Variants in RBFOX1 observed in about 807,000 individuals in gnomAD.
The protein encoded by RBFOX1 is RNA binding fox-1 homolog 1.
A neutral mutation model predicts 57.7 loss-of-function variants in RBFOX1; 8 were observed. The observed-to-expected ratio is 0.14, with a 90% CI of 0.08 to 0.25. The LOEUF (loss-of-function observed/expected upper bound fraction) is 0.25. Ranked by LOEUF, RBFOX1 falls within the 10% of genes least tolerant of loss-of-function variation. The pLI is 1.00. For synonymous variants in RBFOX1, 326 were observed against 222.4 expected (o/e 1.47, Z -4.15); for missense variants, 611 against 548.5 (o/e 1.11, Z -1.14).
intron 5 of RBFOX1, among the ~76,000 whole-genome samples, chr16:7,578,617 T>C (rs758441844): frequency 6.6e-6 from 1 of 152,236 alleles, no homozygotes; most frequent in Admixed American, 6.5e-5. Context: ...TTGATAGTTT[T>C]GTCCCAATTA....
chr16:6,156,187 G>C (rs1055940785), intron 1 of RBFOX1, among the ~76,000 whole-genome samples: 2 of 152,084 alleles, frequency 1.3e-5, no homozygotes, highest in South Asian at 2.1e-4. Flanking sequence ...TTTCCTAATA[G>C]AGGTTTCTGT....
intron 3 of RBFOX1, among the ~76,000 whole-genome samples, chr16:6,882,387 C>G (rs932333870): frequency 2.6e-5 from 4 of 151,996 alleles, no homozygotes; most frequent in Admixed American, 2.0e-4. Flanking sequence ...CTCTCTGATT[C>G]TCTCTCTTCC....
chr16:6,003,524 T>C (rs960216087), intron 4 of RBFOX1, among the ~76,000 whole-genome samples: 6 of 140,828 alleles, frequency 4.3e-5, no homozygotes, highest in Non-Finnish European at 6.2e-5. Flanking sequence ...GATGACTTCA[T>C]TGACAGGAGT....
At chr16:7,086,103 T>G (rs1322471906) in intron 4 of RBFOX1, among the ~76,000 whole-genome samples, 2 of 152,198 alleles carry the variant, frequency 1.3e-5, no homozygotes, top group African/African-American at 2.4e-5. Context: ...CTCTCCATCA[T>G]GCTTAGCCAG....
At chr16:5,884,743 G>A (rs2057854871) in intron 4 of RBFOX1, among the ~76,000 whole-genome samples, 1 of 152,084 alleles carries the variant, frequency 6.6e-6, no homozygotes, top group African/African-American at 2.4e-5. Context: ...GTAACAGGTG[G>A]AGGAATGAGA....
chr16:7,551,194 A>G (rs777964467), intron 5 of RBFOX1, among the ~76,000 whole-genome samples: 1 of 152,114 alleles, frequency 6.6e-6, no homozygotes, highest in Non-Finnish European at 1.5e-5. Context: ...AGAACTTTTA[A>G]AAAGGTCAGT....
chr16:5,358,836 G>GAA lies in RBFOX1; in HGVS notation c.220-108374_220-108373dup, dbSNP rs200197201. 7.9e-5 allele frequency among the ~76,000 whole-genome samples: 12 copies of GAA among 152,062 alleles called. No individual in the cohort carries two copies. In the South Asian group the frequency reaches 2.5e-3, roughly 32 times the overall value. On this transcript the variant is annotated intron_variant, in intron 1 of 2. Transcript: ENST00000585867. ...GAGCAAAACTCCATCTCAAAAAAAA[G>GAA]AAAAAAAGTGCAATTCAGTCATATT...
At chr16:6,945,981 T>G (rs974120207) in intron 3 of RBFOX1, among the ~76,000 whole-genome samples, 2 of 152,224 alleles carry the variant, frequency 1.3e-5, no homozygotes, top group Non-Finnish European at 2.9e-5. Flanking sequence ...CACAAGTGTC[T>G]TTTGGCCTGA....
intron 4 of RBFOX1, among the ~76,000 whole-genome samples, chr16:5,877,132 G>T (rs1289780291): frequency 6.6e-6 from 1 of 152,230 alleles, no homozygotes; most frequent in Non-Finnish European, 1.5e-5. Flanking sequence ...TATCCAGGAG[G>T]AGGGAAAAGA....
chr16:6,664,386 G>C (rs1347648322), intron 3 of RBFOX1, among the ~76,000 whole-genome samples: 1 of 152,102 alleles, frequency 6.6e-6, no homozygotes, highest in African/African-American at 2.4e-5. Flanking sequence ...CTCACCCCTG[G>C]TCCTACTATC....
At chr16:7,503,188 G>A (rs1197653377) in intron 4 of RBFOX1, among the ~76,000 whole-genome samples, 5 of 152,140 alleles carry the variant, frequency 3.3e-5, no homozygotes. Context: ...TTTCGTTAGT[G>A]TGACTTAATG....
intron 2 of RBFOX1, among the ~76,000 whole-genome samples, chr16:6,562,349 C>T (rs1471849848): frequency 6.6e-6 from 1 of 152,204 alleles, no homozygotes; most frequent in Non-Finnish European, 1.5e-5. Flanking sequence ...CACTTTATAA[C>T]ATTCTTGTGA....
chr16:7,098,630 G>T (rs1278040905), intron 4 of RBFOX1, among the ~76,000 whole-genome samples: 4 of 152,010 alleles, frequency 2.6e-5, no homozygotes, highest in African/African-American at 9.7e-5. Context: ...TTTCTTATGG[G>T]GATATAGGAC....
intron 4 of RBFOX1, among the ~76,000 whole-genome samples, chr16:7,339,005 TTTCTG>T (rs1398193875): frequency 6.6e-6 from 1 of 152,194 alleles, no homozygotes; most frequent in African/African-American, 2.4e-5. Flanking sequence ...TAAGCGGACT[TTTCTG>T]TACTGCCAAA....
rs191771372 is a variant in RBFOX1, at chr16:7,092,164, A to C, written c.27+40066A>C. ...ACACACCCTTCTTTTCTCAATTTGA[A>C]TATAGCATTGATTACAAAGTTACAA... is the stretch of plus-strand genomic sequence containing the variant. On this transcript the variant is annotated intron_variant, in intron 4 of 15. Coordinates refer to ENST00000550418, the MANE Select transcript of RBFOX1 (RefSeq NM_018723.4). 1.8e-3 allele frequency among the ~76,000 whole-genome samples: 274 copies of C among 152,342 alleles called. 1 individual carries two copies. Among genetic ancestry groups the C allele is most frequent in the African/African-American group, 6.2e-3 (259 of 41,572 alleles).
At chr16:7,080,055 CATATT>C (rs1437889718) in intron 4 of RBFOX1, among the ~76,000 whole-genome samples, 9 of 123,082 alleles carry the variant, frequency 7.3e-5, no homozygotes, top group African/African-American at 2.6e-4. Context: ...TATATATATA[CATATT>C]ATATATATAC....
At chr16:6,136,626 C>T (rs1420969456) in intron 1 of RBFOX1, among the ~76,000 whole-genome samples, 13 of 151,940 alleles carry the variant, frequency 8.6e-5, no homozygotes, top group Admixed American at 8.5e-4. Context: ...AGTAATATTC[C>T]AGAAAAACCT....
At chr16:6,861,087 G>C (rs557008686) in intron 3 of RBFOX1, among the ~76,000 whole-genome samples, 1 of 152,166 alleles carries the variant, frequency 6.6e-6, no homozygotes, top group African/African-American at 2.4e-5. Context: ...CATTATATTT[G>C]TTATATTTTA....
chr16:6,543,261 C>G lies in RBFOX1; in HGVS notation c.-63-111342C>G, dbSNP rs1189409491. Among the ~76,000 whole-genome samples the G allele has an allele frequency of 3.3e-5, 5 of 152,116 alleles. No individual in the cohort carries two copies. The South Asian group carries it at 8.3e-4, about 25-fold the overall frequency. On this transcript the variant is annotated intron_variant, in intron 2 of 15. Coordinates refer to ENST00000550418, the MANE Select transcript of RBFOX1 (RefSeq NM_018723.4). ...GGCGTCTCCTCCATGCCACCGTTAG[C>G]TGTGAGCTCAGCAACTCTGGGAATT...
Sources: allele counts gnomAD v4.1 joint callset (sites outside exome capture counted in the v4.1 genomes callset), GRCh38; gene constraint gnomAD v4.1.1; transcripts MANE v1.5; gene names NCBI Gene and HGNC (gene_info 2026-07-23, HGNC 2026-07-21).